The following NTRK3 variants were observed in gnomAD, a reference collection of about 807,000 sequenced individuals.
The protein encoded by NTRK3 is neurotrophic receptor tyrosine kinase 3.
NTRK3 carries 24 observed loss-of-function variants against 91.7 expected under a neutral mutation model. The observed-to-expected ratio is 0.26, with a 90% CI of 0.19 to 0.37. The LOEUF is 0.37. Among genes scored for constraint, NTRK3 ranks in the 10% least tolerant of loss-of-function variants. The pLI is 1.00. For synonymous variants in NTRK3, 483 were observed against 404.0 expected, an observed-to-expected ratio of 1.20 and a Z score of -2.34; for missense variants, 880 against 1,068.9, an observed-to-expected ratio of 0.82 and a Z score of 2.46.
intron 14 of NTRK3, among the ~76,000 whole-genome samples, chr15:88,012,178 T>A (rs765951673): frequency 1.3e-5 from 2 of 152,206 alleles, no homozygotes; most frequent in African/African-American, 4.8e-5. Flanking sequence ...CATCCTGCCA[T>A]CTCTACATCC....
chr15:87,885,918 A>G (rs1488246048), intron 17 of NTRK3, among the ~76,000 whole-genome samples, 183 bp from the exon 18 acceptor site: 1 of 151,986 alleles, frequency 6.6e-6, no homozygotes, highest in Non-Finnish European at 1.5e-5. Context: ...ACATAAGCAT[A>G]GCTAAAAGAC....
At position 87,867,449 on chromosome 15, in the gene NTRK3, G is replaced by A. The variant is rs139943466; in HGVS notation, c.*9486C>T. On this transcript the variant is annotated 3_prime_UTR_variant, in exon 19 of 19. Coordinates refer to ENST00000394480, the Ensembl canonical transcript of NTRK3. Reference sequence around the variant, plus strand: ...AAAAATGGGACTGACTCCTCAGTGTGGGGGGGATGTTTGCAAACTTGTTCA... The same window carrying A: ...AAAAATGGGACTGACTCCTCAGTGTAGGGGGGATGTTTGCAAACTTGTTCA... The A allele has an allele frequency of 4.4e-3, 994 of 226,374 alleles. 13 individuals carry two copies. Among genetic ancestry groups the A allele is most frequent in the African/African-American group, 0.02 (921 of 45,062 alleles). The allele number at this position is 226,374 out of a possible 1,614,324, so 14.0% of individuals were successfully genotyped here. A position where few individuals can be genotyped will look rare whatever the true frequency, so the allele number is the denominator to read the frequency against.
At chr15:88,223,554 A>C (rs746198648) in intron 3 of NTRK3, among the ~76,000 whole-genome samples, 1 of 152,230 alleles carries the variant, frequency 6.6e-6, no homozygotes, top group Non-Finnish European at 1.5e-5. Flanking sequence ...GGCCTGGGGC[A>C]GCCCTAGGTA....
chr15:88,071,220 A>C (rs1483410151), intron 13 of NTRK3, among the ~76,000 whole-genome samples: 4 of 152,230 alleles, frequency 2.6e-5, no homozygotes, highest in African/African-American at 7.2e-5. Context: ...GACTCACTGC[A>C]TCCCAGCGAT....
At position 88,032,846 on chromosome 15, in the gene NTRK3, C is replaced by T. The variant is rs2142016438; in HGVS notation, c.1585+11G>A. 1.2e-6 allele frequency: 2 copies of T among 1,613,544 alleles called. No homozygotes were observed. The highest frequency in any genetic ancestry group is 1.7e-6 in the Non-Finnish European group (2 of 1,179,738). On this transcript the variant is annotated intron_variant, in intron 14 of 18. Coordinates refer to ENST00000394480, the Ensembl canonical transcript of NTRK3. ...TCCCCAGGAGGGAGAGCATTCCATC[C>T]CAGTACTTACACGTGTCCGGCTTGT...
At chr15:88,127,298 C>T in intron 11 of NTRK3, 72 bp from the exon 12 acceptor site, 1 of 1,282,494 alleles carries the variant, frequency 7.8e-7, no homozygotes, top group South Asian at 1.2e-5. Flanking sequence ...CAGTCCCTGC[C>T]CAACTCCCAA....
At chr15:88,228,169 C>G (rs1414938111) in intron 3 of NTRK3, among the ~76,000 whole-genome samples, 4 of 152,148 alleles carry the variant, frequency 2.6e-5, no homozygotes, top group African/African-American at 9.7e-5. Flanking sequence ...GGGCACGTCA[C>G]TCCCCTCTCT....
intron 14 of NTRK3, among the ~76,000 whole-genome samples, chr15:87,964,567 A>G (rs956273081): frequency 2.0e-5 from 3 of 152,116 alleles, no homozygotes; most frequent in South Asian, 2.1e-4. Context: ...AATCTACTGA[A>G]TGGTATAATC....
In NTRK3 at chr15:87,877,221, T is replaced by C. The variant is rs78443344; in HGVS notation, c.2293-101A>G. On this transcript the variant is annotated intron_variant, in intron 18 of 18. Transcript: ENST00000394480. ...CAACAACTTCCCGGATTAGTTTCTA[T>C]GCAGAGCCGAGGCTCTCACAAGCAC... 4.0e-6 allele frequency: 5 copies of C among 1,255,582 alleles called. No individual in the cohort carries two copies. In the African/African-American group the frequency reaches 7.4e-5, roughly 19 times the overall value. The allele number at this position is 1,255,582 out of a possible 1,614,324, so 77.8% of individuals were successfully genotyped here.
rs55888191 is a variant in NTRK3 at position 88,224,721 on chromosome 15, C to T, written c.248+31185G>A. Among the ~76,000 whole-genome samples, 1,402 of 152,312 alleles carry T rather than the reference C, an allele frequency of 9.2e-3. 27 individuals carry two copies. The highest frequency in any genetic ancestry group is 0.032 in the African/African-American group (1,340 of 41,570). ...CAGAAACGCACTGCCCAGGTACCTA[C>T]CAGGAGTGCTGCGACTCTGGGAAGG... On this transcript the variant is annotated intron_variant, in intron 3 of 18. Transcript: ENST00000394480.
chr15:88,219,207 A>C (rs2050044113), intron 3 of NTRK3, among the ~76,000 whole-genome samples: 1 of 152,210 alleles, frequency 6.6e-6, no homozygotes, highest in African/African-American at 2.4e-5. Flanking sequence ...TTCAATATCA[A>C]AGCAAAATAA....
intron 10 of NTRK3, among the ~76,000 whole-genome samples, chr15:88,129,597 C>T (rs2053612543): frequency 6.6e-6 from 1 of 152,106 alleles, no homozygotes; most frequent in Non-Finnish European, 1.5e-5. Flanking sequence ...AGTGAGGATT[C>T]CTTGGAGAAA....
intron 5 of NTRK3, among the ~76,000 whole-genome samples, chr15:88,149,569 T>C (rs1047984155): frequency 1.3e-5 from 2 of 152,214 alleles, no homozygotes; most frequent in African/African-American, 4.8e-5. Flanking sequence ...CTAATGACTA[T>C]ACAGCTTATT....
chr15:88,114,354 T>C (rs188651596), intron 13 of NTRK3, among the ~76,000 whole-genome samples: 16 of 152,376 alleles, frequency 1.1e-4, no homozygotes, highest in African/African-American at 3.8e-4. Context: ...CATTCTGACT[T>C]ATAATTCCAT....
intron 3 of NTRK3, 67 bp from the exon 4 acceptor site, chr15:88,184,366 CAG>C: frequency 1.4e-6 from 2 of 1,476,138 alleles, no homozygotes; most frequent in Non-Finnish European, 1.9e-6. Context: ...TTTGGAGCCA[CAG>C]AGACCTGGCT....
intron 13 of NTRK3, among the ~76,000 whole-genome samples, chr15:88,044,192 C>T (rs571824078): frequency 6.6e-6 from 1 of 151,112 alleles, no homozygotes; most frequent in Non-Finnish European, 1.5e-5. Context: ...AGCAGTCTGC[C>T]TAAGGTCACA....
At chr15:87,960,821 C>G (rs916370189) in intron 14 of NTRK3, among the ~76,000 whole-genome samples, 5 of 152,132 alleles carry the variant, frequency 3.3e-5, no homozygotes, top group Admixed American at 1.3e-4. Flanking sequence ...TTGACCCGTC[C>G]TCCCCTAGAA....
intron 14 of NTRK3, chr15:87,981,170 A>T: frequency 1.3e-6 from 2 of 1,551,734 alleles, no homozygotes; most frequent in Non-Finnish European, 1.7e-6. Flanking sequence ...AAGAACCAAA[A>T]TTGGTTAGGG....
At chr15:88,012,372 C>A (rs376433174) in intron 14 of NTRK3, among the ~76,000 whole-genome samples, 6 of 152,134 alleles carry the variant, frequency 3.9e-5, no homozygotes, top group African/African-American at 1.4e-4. Context: ...GGCAACATTC[C>A]CCCAGCCATG....
Sources: allele counts gnomAD v4.1 joint callset (sites outside exome capture counted in the v4.1 genomes callset), GRCh38; gene constraint gnomAD v4.1.1; transcripts MANE v1.5; gene names NCBI Gene and HGNC (gene_info 2026-07-23, HGNC 2026-07-21).